Variants in ARMC6 observed in about 807,000 individuals in gnomAD.
The protein encoded by ARMC6 is armadillo repeat containing 6.
A neutral mutation model predicts 49.2 loss-of-function variants in ARMC6; 43 were observed. The ratio of observed to expected loss-of-function variants is 0.87; its 90% CI spans 0.69 to 1.13. The LOEUF is 1.13. ARMC6 is among the 50% of genes most tolerant of loss of function. The pLI is 0.00. For synonymous variants in ARMC6, 262 were observed against 289.6 expected (o/e 0.90, Z 0.97); for missense variants, 627 against 682.0 (o/e 0.92, Z 0.90).
At position 19,042,717 on chromosome 19, in the gene ARMC6, A is replaced by G; in HGVS notation, c.36A>G (p.Gly12=). Residue 12 remains glycine (G), a synonymous_variant, in exon 3 of 9, where the codon GGA becomes GGG. Coordinates refer to ENST00000535612, the MANE Select transcript of ARMC6 (RefSeq NM_001199196.2). The part of the protein sequence containing the change: ...SERCCSRYSS[G]ASIGCTPTST... The stretch of plus-strand genomic sequence containing the variant: ...CTTTGCCCTAACCTCTCAGCTCAGG[A>G]GCATCTATCGGCTGCACGCCAACAT... The G allele has an allele frequency of 6.2e-7, 1 of 1,612,482 alleles. No homozygotes were observed. The highest frequency in any genetic ancestry group is 8.5e-7 in the Non-Finnish European group (1 of 1,179,986).
chr19:19,057,555 C>A lies in ARMC6; in HGVS notation c.1433C>A (p.Ala478Asp). ...HRDCEDVAKAALRDLGCHVEL... is the reference protein window; with the variant it reads ...HRDCEDVAKADLRDLGCHVEL... ...GACTGTGAGGACGTGGCCAAGGCCG[C>A]CCTGCGGGACCTGGGTTGTCATGTC... The change falls in exon 9 of 9, where the codon GCC becomes GAC. Residue 478 changes from alanine (A) to aspartate (D), a missense_variant. Transcript: ENST00000535612. 1.9e-6 allele frequency: 3 copies of A among 1,613,480 alleles called. No homozygotes were observed. Among genetic ancestry groups the A allele is most frequent in the Middle Eastern group, 1.7e-4 (1 of 6,060 alleles).
Position 19,042,751 on chromosome 19 carries a change from G to C in ARMC6, c.70G>C (p.Ala24Pro), listed in dbSNP as rs1241618586. 1 of 1,613,820 alleles carries C rather than the reference G, an allele frequency of 6.2e-7. No individual in the cohort carries two copies. Among genetic ancestry groups the C allele is most frequent in the East Asian group, 2.2e-5 (1 of 44,888 alleles). Residue 24 changes from alanine to proline, a missense_variant, in exon 3 of 9, where the codon GCG becomes CCG. Physicochemically the swap from Ala to Pro is conservative, Grantham distance 27 (BLOSUM62 -1). Transcript: ENST00000535612. ...CGGCTGCACGCCAACATCAACACAG[G>C]CGAAGATGGTCTCCAAGCGCATTGC... The part of the protein sequence containing the change: ...SIGCTPTSTQ[A>P]KMVSKRIAQE...
intron 4 of ARMC6, among the ~76,000 whole-genome samples, chr19:19,044,732 G>T (rs2059435335): frequency 6.6e-6 from 1 of 152,228 alleles, no homozygotes; most frequent in Non-Finnish European, 1.5e-5. Flanking sequence ...AACAACACCT[G>T]CAAGGCTGGG....
Position 19,057,763 on chromosome 19 carries a change from A to C in ARMC6, c.*135A>C. 1 of 635,514 alleles carries C rather than the reference A, an allele frequency of 1.6e-6. No individual in the cohort carries two copies. Among genetic ancestry groups the C allele is most frequent in the Non-Finnish European group, 2.8e-6 (1 of 357,986 alleles). 39.4% of individuals were successfully genotyped at this position (635,514 alleles called of 1,614,324 possible). A position where few individuals can be genotyped will look rare whatever the true frequency, so the allele number is the denominator to read the frequency against. ...AAGTGTTTTCTGGCAGGCCCTAGGT[A>C]AAGGGTCGGGGGAGGGGGGAGCCTT... On this transcript the variant is annotated 3_prime_UTR_variant, in exon 9 of 9. Transcript: ENST00000535612.
chr19:19,054,636 T>C lies in ARMC6; in HGVS notation c.1023+315T>C, dbSNP rs148447081. On this transcript the variant is annotated intron_variant, in intron 6 of 8. Transcript: ENST00000535612. ...TAGCTACAGAATAGAGCAGTGTCCC[T>C]ACTCATTACTCCGTTTAGCAGCCGA... Among the ~76,000 whole-genome samples, 28 of 152,272 alleles carry C rather than the reference T, an allele frequency of 1.8e-4. No homozygotes were observed. The East Asian group carries it at 5.4e-3, about 29-fold the overall frequency.
chr19:19,054,475 G>T (rs1207487310), intron 6 of ARMC6, among the ~76,000 whole-genome samples, 154 bp downstream of exon 6: 2 of 152,146 alleles, frequency 1.3e-5, no homozygotes. Flanking sequence ...CAAAGGTCGG[G>T]GGGGAAACAA....
chr19:19,048,518 G>GAA (rs768327379), intron 4 of ARMC6, among the ~76,000 whole-genome samples: 5 of 119,706 alleles, frequency 4.2e-5, no homozygotes, highest in Non-Finnish European at 7.2e-5. Context: ...ATGAGACTCA[G>GAA]AAAAAAAAAA....
chr19:19,052,075 G>A lies in ARMC6; in HGVS notation c.733G>A (p.Ala245Thr), dbSNP rs1043752438. The change falls in exon 5 of 9, where the codon GCC (alanine) becomes ACC (threonine). Residue 245 changes from alanine to threonine, a missense_variant. Ala to Thr is a moderately conservative substitution (Grantham distance 58). Transcript: ENST00000535612. The stretch of plus-strand genomic sequence containing the variant: ...TGACGTGGTCAGGGAAGCCTGCTGG[G>A]CCCTGCGTGTCATGACCTTCGATGA... ...HTDVVREACW[A>T]LRVMTFDDDI... 3.1e-6 allele frequency: 5 copies of A among 1,613,936 alleles called. No homozygotes were observed. Among genetic ancestry groups the A allele is most frequent in the African/African-American group, 1.3e-5 (1 of 75,068 alleles).
At chr19:19,034,952 C>T (rs1012615743) in intron 2 of ARMC6, among the ~76,000 whole-genome samples, 5 of 151,386 alleles carry the variant, frequency 3.3e-5, no homozygotes, top group Non-Finnish European at 7.4e-5. Flanking sequence ...AGCTCCGTCT[C>T]CTGGGTTCAG....
intron 4 of ARMC6, among the ~76,000 whole-genome samples, chr19:19,049,245 GT>G (rs1391240790): frequency 7.2e-5 from 11 of 151,872 alleles, no homozygotes; most frequent in Non-Finnish European, 2.9e-5. Flanking sequence ...TAGAGACAGG[GT>G]TTTACCACGT....
intron 3 of ARMC6, 143 bp downstream of exon 3, chr19:19,043,020 T>G: frequency 9.7e-7 from 1 of 1,033,920 alleles, no homozygotes; most frequent in Non-Finnish European, 1.4e-6. Flanking sequence ...CTCCAGCTTC[T>G]GCCCGAGGCA....
chr19:19,039,383 C>G (rs555628000), intron 2 of ARMC6: 1 of 453,342 alleles, frequency 2.2e-6, no homozygotes, highest in East Asian at 7.1e-5. Context: ...ACAGTCCTCC[C>G]ACCTTGGCCT....
intron 4 of ARMC6, among the ~76,000 whole-genome samples, chr19:19,045,490 A>ATT (rs1355279150): frequency 3.5e-5 from 1 of 28,234 alleles, no homozygotes; most frequent in East Asian, 1.5e-3. Context: ...ATTATGCTAA[A>ATT]TTCTTTTTTT....
chr19:19,045,352 T>C (rs2059440871), intron 4 of ARMC6, among the ~76,000 whole-genome samples: 2 of 152,216 alleles, frequency 1.3e-5, no homozygotes, highest in Admixed American at 1.3e-4. Context: ...CTTCTGGCTA[T>C]CTTTGCATTG....
Position 19,051,654 on chromosome 19 carries a change from C to G in ARMC6, c.312C>G (p.Ser104Arg), listed in dbSNP as rs761221220. Reference protein sequence around the residue: ...MLSDLQESVASSRPQEVSAYL... With the variant: ...MLSDLQESVARSRPQEVSAYL... Reference sequence around the variant, plus strand: ...GTGACCTCCAGGAGTCTGTGGCCAGCTCTCGCCCCCAGGAGGTGTCAGCAT... The same window carrying G: ...GTGACCTCCAGGAGTCTGTGGCCAGGTCTCGCCCCCAGGAGGTGTCAGCAT... Residue 104 changes from serine (S) to arginine (R), a missense_variant, in exon 5 of 9, where the codon AGC becomes AGG. Coordinates refer to ENST00000535612, the MANE Select transcript of ARMC6 (RefSeq NM_001199196.2). The G allele has an allele frequency of 7.5e-6, 12 of 1,609,732 alleles. No individual in the cohort carries two copies. The South Asian group carries it at 1.1e-4, about 15-fold the overall frequency.
At position 19,034,031 on chromosome 19, in the gene ARMC6, A is replaced by AG. The variant is rs559257573; in HGVS notation, c.-79-100_-79-99insG. On this transcript the variant is annotated intron_variant, in intron 1 of 8. Transcript: ENST00000535612. ...ACCCTCGGGTACGTGGTTTGGGGGG[A>AG]AAAAAAAAATGAAAGAATTTTACAG... 15 of 119,562 alleles carry AG rather than the reference A, an allele frequency of 1.3e-4. No homozygotes were observed. The African/African-American group carries it at 1.8e-3, about 14-fold the overall frequency. The allele number at this position is 119,562 out of a possible 1,614,324, so 7.4% of individuals were successfully genotyped here.
At chr19:19,056,527 G>T (rs891696725) in intron 8 of ARMC6, among the ~76,000 whole-genome samples, 2 of 152,200 alleles carry the variant, frequency 1.3e-5, no homozygotes, top group Non-Finnish European at 2.9e-5. Flanking sequence ...CTCCCAAAGT[G>T]CTGGGATTAC....
At chr19:19,047,827 A>C (rs1316276163) in intron 4 of ARMC6, among the ~76,000 whole-genome samples, 6 of 152,210 alleles carry the variant, frequency 3.9e-5, no homozygotes, top group African/African-American at 1.4e-4. Context: ...GAGACATGAG[A>C]TATCAATCAA....
At chr19:19,044,778 A>C (rs1414481308) in intron 4 of ARMC6, among the ~76,000 whole-genome samples, 3 of 152,210 alleles carry the variant, frequency 2.0e-5, no homozygotes, top group Non-Finnish European at 2.9e-5. Context: ...ATTGAGATCC[A>C]AAGAGAAGAG....
Sources: allele counts gnomAD v4.1 joint callset (sites outside exome capture counted in the v4.1 genomes callset), GRCh38; gene constraint gnomAD v4.1.1; transcripts MANE v1.5; gene names NCBI Gene and HGNC (gene_info 2026-07-23, HGNC 2026-07-21).